Variants in WAC observed in about 807,000 individuals in gnomAD.
WAC encodes the protein WW domain containing adaptor with coiled-coil.
Under a neutral mutation model 79.6 loss-of-function variants are expected in WAC, and 11 were observed. The observed-to-expected ratio is 0.14, with a 90% confidence interval of 0.09 to 0.23. The LOEUF (loss-of-function observed/expected upper bound fraction) is 0.23, where lower values mean the gene tolerates loss of function less well. WAC is among the 10% of genes least tolerant of loss of function. The pLI is 1.00. For synonymous variants in WAC, 304 were observed against 276.9 expected (o/e 1.10, Z -0.97); for missense variants, 728 against 773.5 (o/e 0.94, Z 0.70).
chr10:28,551,168 G>C (rs1356512837), intron 3 of WAC, among the ~76,000 whole-genome samples: 1 of 152,184 alleles, frequency 6.6e-6, no homozygotes, highest in African/African-American at 2.4e-5. Context: ...TGAATATTCA[G>C]TAAGCTTTTT....
chr10:28,555,085 G>A (rs1837907875), intron 3 of WAC, among the ~76,000 whole-genome samples: 1 of 152,058 alleles, frequency 6.6e-6, no homozygotes, highest in Admixed American at 6.6e-5. Flanking sequence ...TTGTTAAGTG[G>A]AAACTACAGT....
intron 7 of WAC, among the ~76,000 whole-genome samples, chr10:28,602,047 G>A (rs1463431298): frequency 6.6e-6 from 1 of 152,160 alleles, no homozygotes; most frequent in Non-Finnish European, 1.5e-5. Flanking sequence ...TTGATGCTGC[G>A]TATACTTTAC....
intron 3 of WAC, among the ~76,000 whole-genome samples, chr10:28,560,480 TTTTG>T (rs1324446258): frequency 1.3e-5 from 2 of 152,100 alleles, no homozygotes; most frequent in East Asian, 3.9e-4. Context: ...GAATCGGGAA[TTTTG>T]TTTTTTTGTG....
intron 3 of WAC, among the ~76,000 whole-genome samples, chr10:28,566,181 CTT>C (rs1250950432): frequency 6.6e-6 from 1 of 152,112 alleles, no homozygotes; most frequent in Non-Finnish European, 1.5e-5. Flanking sequence ...CTGTCTTACT[CTT>C]TTGGTGTCTT....
At chr10:28,599,820 C>T (rs558222914) in intron 7 of WAC, among the ~76,000 whole-genome samples, 1 of 152,204 alleles carries the variant, frequency 6.6e-6, no homozygotes, top group African/African-American at 2.4e-5. Context: ...AGTGAGGTGA[C>T]CCCATTTAGG....
chr10:28,533,190 AG>A lies in WAC; in HGVS notation c.-388del. On this transcript the variant is annotated 5_prime_UTR_variant, in exon 1 of 14. Transcript: ENST00000354911. Reference sequence around the variant, plus strand: ...CGGCGGCGGCGGCGGGAGGAGGAGGAGGAGAAGAAGGACCAGGCGGCGGCAG... The same window carrying A: ...CGGCGGCGGCGGCGGGAGGAGGAGGAGAGAAGAAGGACCAGGCGGCGGCAG... The A allele has an allele frequency of 6.1e-6, 1 of 165,180 alleles. No individual in the cohort carries two copies. The highest frequency in any genetic ancestry group is 1.3e-5 in the Non-Finnish European group (1 of 78,670). 10.2% of individuals were successfully genotyped at this position (165,180 alleles called of 1,614,324 possible). A position where few individuals can be genotyped will look rare whatever the true frequency, so the allele number is the denominator to read the frequency against.
chr10:28,534,935 G>A (rs1442932329), intron 2 of WAC, among the ~76,000 whole-genome samples: 1 of 152,188 alleles, frequency 6.6e-6, no homozygotes, highest in Non-Finnish European at 1.5e-5. Flanking sequence ...CTTAAGATAT[G>A]TGTTAGAATA....
chr10:28,540,883 T>G (rs1407616234), intron 3 of WAC, among the ~76,000 whole-genome samples: 1 of 152,182 alleles, frequency 6.6e-6, no homozygotes, highest in Non-Finnish European at 1.5e-5. Flanking sequence ...CATTGTTTTT[T>G]TTTTAATTTT....
intron 3 of WAC, among the ~76,000 whole-genome samples, chr10:28,539,935 T>C (rs915031984): frequency 2.6e-5 from 4 of 152,194 alleles, no homozygotes; most frequent in African/African-American, 9.7e-5. Context: ...TCCCTAACTT[T>C]CAAATAAAAG....
chr10:28,559,336 T>C (rs919739491), intron 3 of WAC, among the ~76,000 whole-genome samples: 1 of 151,978 alleles, frequency 6.6e-6, no homozygotes, highest in Non-Finnish European at 1.5e-5. Context: ...GTGAGGGAAG[T>C]GTGTTCTAGG....
intron 3 of WAC, among the ~76,000 whole-genome samples, chr10:28,554,511 C>G (rs1331872358): frequency 6.6e-6 from 1 of 152,076 alleles, no homozygotes; most frequent in Non-Finnish European, 1.5e-5. Flanking sequence ...TTGCTTAGCT[C>G]ATTGTTCTCC....
At chr10:28,602,500 T>C (rs1461851441) in intron 7 of WAC, among the ~76,000 whole-genome samples, 1 of 152,210 alleles carries the variant, frequency 6.6e-6, no homozygotes, top group Non-Finnish European at 1.5e-5. Flanking sequence ...GTAACACCAC[T>C]ATTACAAAAT....
chr10:28,581,582 T>C (rs1310151427), intron 3 of WAC, among the ~76,000 whole-genome samples: 2 of 152,094 alleles, frequency 1.3e-5, no homozygotes, highest in Non-Finnish European at 2.9e-5. Context: ...TGAGACAGAG[T>C]CTTGCTCTGT....
At chr10:28,554,284 C>G (rs1057352674) in intron 3 of WAC, among the ~76,000 whole-genome samples, 1 of 152,162 alleles carries the variant, frequency 6.6e-6, no homozygotes, top group Non-Finnish European at 1.5e-5. Flanking sequence ...CATCTTAGAA[C>G]CAGTCTCCCA....
chr10:28,553,566 TGAA>T (rs919529379), intron 3 of WAC, among the ~76,000 whole-genome samples: 4 of 152,176 alleles, frequency 2.6e-5, no homozygotes, highest in Admixed American at 6.5e-5. Context: ...CTCATGGTGT[TGAA>T]GAACAAAGGC....
intron 4 of WAC, 145 bp downstream of exon 4, chr10:28,583,650 ATATTAT>A: frequency 1.9e-6 from 1 of 535,766 alleles, no homozygotes; most frequent in South Asian, 3.7e-5. Context: ...TGTTTATTTG[ATATTAT>A]TATTATCCTA....
chr10:28,612,022 GGT>G, intron 10 of WAC, 100 bp downstream of exon 10: 4 of 1,395,478 alleles, frequency 2.9e-6, no homozygotes, highest in Non-Finnish European at 3.9e-6. Context: ...CTGAGAATGA[GGT>G]GTAGTGGTGG....
Position 28,619,832 on chromosome 10 carries a change from T to C in WAC, c.*226T>C. 1 of 392,450 alleles carries C rather than the reference T, an allele frequency of 2.5e-6. No individual in the cohort carries two copies. 24.3% of individuals were successfully genotyped at this position (392,450 alleles called of 1,614,324 possible). A position where few individuals can be genotyped will look rare whatever the true frequency, so the allele number is the denominator to read the frequency against. On this transcript the variant is annotated 3_prime_UTR_variant, in exon 14 of 14. Transcript: ENST00000354911. ...GTAGATGTATCCTTCACGTTGTAAA[T>C]ATGTTTTGTAGAGTGAAGCCATGGG...
At chr10:28,597,209 G>A (rs1326967670) in intron 7 of WAC, among the ~76,000 whole-genome samples, 1 of 151,902 alleles carries the variant, frequency 6.6e-6, no homozygotes, top group African/African-American at 2.4e-5. Flanking sequence ...AAGATGGTTC[G>A]TACCAAAATT....
Sources: gnomAD v4.1 joint callset for allele counts (sites outside exome capture counted in the v4.1 genomes callset) on GRCh38, gnomAD v4.1.1 for gene constraint, MANE v1.5 for transcripts, NCBI Gene and HGNC (gene_info 2026-07-23, HGNC 2026-07-21) for gene names.